The following PCDH7 variants were observed in gnomAD, a reference collection of about 807,000 sequenced individuals.
PCDH7 encodes the protein protocadherin-7.
In PCDH7, 17 loss-of-function variants were observed where a neutral mutation model predicts 58.9. The observed-to-expected ratio is 0.29, with a 90% confidence interval of 0.20 to 0.43. The LOEUF is 0.43. PCDH7 is among the 20% of genes least tolerant of loss of function. The probability of loss-of-function intolerance (pLI) is 1.00; values close to 1 mark genes in which losing one functional copy is unlikely to be tolerated. For missense variants in PCDH7, 1,274 were observed against 1,441.0 expected (o/e 0.88, Z 1.88); for synonymous variants, 664 against 616.4 (o/e 1.08, Z -1.14).
chr4:31,121,582 T>A (rs1373081988), intron 3 of PCDH7, among the ~76,000 whole-genome samples: 1 of 152,192 alleles, frequency 6.6e-6, no homozygotes, highest in African/African-American at 2.4e-5. Flanking sequence ...TTATATACAA[T>A]CAGGAAAATA....
At chr4:31,072,205 T>C (rs1314338869) in intron 3 of PCDH7, among the ~76,000 whole-genome samples, 2 of 152,076 alleles carry the variant, frequency 1.3e-5, no homozygotes, top group Non-Finnish European at 2.9e-5. Flanking sequence ...TTGGTAGAAA[T>C]AATATGTTAA....
At chr4:31,056,504 AGAAAGAAAGAAAGG>A (rs1757237094) in intron 3 of PCDH7, among the ~76,000 whole-genome samples, 1 of 117,850 alleles carries the variant, frequency 8.5e-6, no homozygotes, top group South Asian at 3.2e-4. Flanking sequence ...AAAGAAAGAA[AGAAAGAAAGAAAGG>A]GGAAGGGAAG....
intron 3 of PCDH7, among the ~76,000 whole-genome samples, chr4:31,034,261 C>T (rs74530410): frequency 0.025 from 3,797 of 152,190 alleles, 76 homozygotes; most frequent in South Asian, 0.064. Flanking sequence ...TCGAGTTGGA[C>T]CTTGGCTTCA....
At chr4:31,030,725 C>CA (rs1435484773) in intron 3 of PCDH7, among the ~76,000 whole-genome samples, 1 of 152,000 alleles carries the variant, frequency 6.6e-6, no homozygotes, top group Non-Finnish European at 1.5e-5. Context: ...CTGAATTCAA[C>CA]AACAATGACT....
intron 1 of PCDH7, among the ~76,000 whole-genome samples, chr4:30,729,993 G>A (rs1219201345): frequency 1.3e-5 from 2 of 151,704 alleles, no homozygotes; most frequent in Non-Finnish European, 2.9e-5. Context: ...ACTAAATATA[G>A]TGTGACAAAG....
At chr4:31,031,811 AACTT>A (rs1261596715) in intron 3 of PCDH7, among the ~76,000 whole-genome samples, 2 of 152,232 alleles carry the variant, frequency 1.3e-5, no homozygotes, top group African/African-American at 4.8e-5. Context: ...GTTTCCTTCA[AACTT>A]ACTTACAAAG....
intron 3 of PCDH7, among the ~76,000 whole-genome samples, chr4:31,105,806 G>C (rs1025343276): frequency 3.9e-5 from 6 of 152,008 alleles, no homozygotes; most frequent in Non-Finnish European, 7.4e-5. Context: ...AGGAGATCGA[G>C]ACCATCCTGG....
chr4:30,954,733 G>GC (rs1560531261), intron 3 of PCDH7, among the ~76,000 whole-genome samples: 1 of 152,104 alleles, frequency 6.6e-6, no homozygotes, highest in Non-Finnish European at 1.5e-5. Context: ...TAAAATGGGG[G>GC]ATTTGGACTA....
At chr4:30,764,808 C>T (rs1269526361) in intron 1 of PCDH7, among the ~76,000 whole-genome samples, 1 of 152,060 alleles carries the variant, frequency 6.6e-6, no homozygotes, top group Non-Finnish European at 1.5e-5. Context: ...ACAACCTCCC[C>T]CTCCCTGGTT....
intron 3 of PCDH7, among the ~76,000 whole-genome samples, chr4:30,970,347 T>A (rs569766899): frequency 6.6e-6 from 1 of 151,564 alleles, no homozygotes; most frequent in African/African-American, 2.4e-5. Flanking sequence ...CAGGCTGGAG[T>A]GCAGTGGCAC....
chr4:31,142,177 A>G (rs916396765), intron 3 of PCDH7, among the ~76,000 whole-genome samples: 10 of 152,234 alleles, frequency 6.6e-5, no homozygotes, highest in African/African-American at 2.2e-4. Flanking sequence ...TCTAACTGAG[A>G]CCATCCTCAT....
intron 1 of PCDH7, among the ~76,000 whole-genome samples, chr4:30,903,651 A>T (rs1740517612): frequency 6.6e-6 from 1 of 152,174 alleles, no homozygotes; most frequent in Non-Finnish European, 1.5e-5. Flanking sequence ...ATCATGACTC[A>T]GAAATTGAGT....
intron 3 of PCDH7, among the ~76,000 whole-genome samples, chr4:31,074,115 C>T (rs1239345469): frequency 6.6e-6 from 1 of 151,834 alleles, no homozygotes; most frequent in Non-Finnish European, 1.5e-5. Flanking sequence ...ACTATCTGTT[C>T]TAAATTAGCT....
intron 3 of PCDH7, among the ~76,000 whole-genome samples, chr4:31,027,803 G>C (rs1754563121): frequency 6.6e-6 from 1 of 152,166 alleles, no homozygotes; most frequent in Non-Finnish European, 1.5e-5. Context: ...ATTATTAAAA[G>C]TGATTATGTC....
chr4:30,847,736 C>T (rs890884449), intron 1 of PCDH7, among the ~76,000 whole-genome samples: 2 of 151,980 alleles, frequency 1.3e-5, no homozygotes, highest in African/African-American at 4.8e-5. Context: ...AAACAAATTG[C>T]AGTATGATTT....
chr4:31,142,782 T>C, exon 4 of PCDH7: 2 of 1,367,180 alleles, frequency 1.5e-6, no homozygotes, highest in Non-Finnish European at 2.0e-6. Context: ...GATATTCCCC[T>C]TACAAAAACA....
rs755036958 is a variant in PCDH7 at position 30,721,715 on chromosome 4, A to G, written c.293A>G (p.Gln98Arg). 2 of 1,613,792 alleles carry G rather than the reference A, an allele frequency of 1.2e-6. No homozygotes were observed. Among genetic ancestry groups the G allele is most frequent in the Admixed American group, 1.7e-5 (1 of 60,008 alleles). The change falls in exon 1 of 2, where the codon CAG (glutamine) becomes CGG (arginine). Residue 98 changes from glutamine (Q) to arginine (R), a missense_variant. This residue lies in a region of PCDH7 where 212 missense variants were observed against 255.8 expected (regional missense o/e 0.83). Transcript: ENST00000361762. The surrounding 1 kb of genome is among the most constrained non-coding windows in gnomAD (Gnocchi z 6.7). ...CGCATCGACCGCGAGAAGCTGCCCC[A>G]GTGTCAGATGATCTTCGACGAGAAC...
Position 30,945,703 on chromosome 4 carries a change from G to C in PCDH7, c.288-4417G>C, listed in dbSNP as rs139482561. Among the ~76,000 whole-genome samples, 767 of 151,970 alleles carry C rather than the reference G, an allele frequency of 5.0e-3. 6 individuals are homozygous for C. Among genetic ancestry groups the C allele is most frequent in the African/African-American group, 0.017 (692 of 41,440 alleles). Reference sequence around the variant, plus strand: ...ATGCACTTTGTAATTTGAAAATACTGTTTGTTCTTCACTTTAAAAGGAAAT... The same window carrying C: ...ATGCACTTTGTAATTTGAAAATACTCTTTGTTCTTCACTTTAAAAGGAAAT... On this transcript the variant is annotated intron_variant, in intron 2 of 3. Coordinates refer to the PCDH7 transcript ENST00000509759.
chr4:30,721,302 C>A lies in PCDH7; in HGVS notation c.-121C>A. 3 of 1,044,762 alleles carry A rather than the reference C, an allele frequency of 2.9e-6. No individual in the cohort carries two copies. The highest frequency in any genetic ancestry group is 4.0e-6 in the Non-Finnish European group (3 of 752,262). 64.7% of individuals were successfully genotyped at this position (1,044,762 alleles called of 1,614,324 possible). The stretch of plus-strand genomic sequence containing the variant: ...TTTGCCCCCTCCCTCCCCTCCCTCT[C>A]GCTCCTTCCTTTCCGGGAGAGGGGA... On this transcript the variant is annotated 5_prime_UTR_variant, in exon 1 of 2. Transcript: ENST00000361762. This position sits in a 1 kb window ranked among gnomAD's most constrained non-coding sequence, Gnocchi z 6.7.
Sources: allele counts gnomAD v4.1 joint callset (sites outside exome capture counted in the v4.1 genomes callset), GRCh38; gene constraint gnomAD v4.1.1; regional missense constraint gnomAD v4.1.1; non-coding constraint Gnocchi (gnomAD v3.1); transcripts MANE v1.5; gene names NCBI Gene and HGNC (gene_info 2026-07-23, HGNC 2026-07-21).